The following R3HDM2 variants were observed in gnomAD, a reference collection of about 807,000 sequenced individuals.
The protein encoded by R3HDM2 is R3H domain containing 2, also known as R3H domain-containing protein 2.
R3HDM2 carries 38 observed loss-of-function variants against 124.5 expected under a neutral mutation model. That is an observed-to-expected ratio of 0.31 (90% CI 0.24 to 0.40). The LOEUF (loss-of-function observed/expected upper bound fraction) is 0.40. R3HDM2 is among the 10% of genes least tolerant of loss of function. R3HDM2 has a pLI of 1.00. For synonymous variants in R3HDM2, 391 were observed against 448.0 expected, an observed-to-expected ratio of 0.87 and a Z score of 1.61; for missense variants, 869 against 1,236.9, an observed-to-expected ratio of 0.70 and a Z score of 4.46.
intron 3 of R3HDM2, among the ~76,000 whole-genome samples, chr12:57,307,182 T>C (rs1461699003): frequency 6.6e-6 from 1 of 152,202 alleles, no homozygotes; most frequent in Non-Finnish European, 1.5e-5. Context: ...GTAATGAACG[T>C]CCCTTTTCCC....
intron 3 of R3HDM2, among the ~76,000 whole-genome samples, chr12:57,303,522 T>A (rs181350884): frequency 1.3e-5 from 2 of 149,652 alleles, no homozygotes; most frequent in African/African-American, 4.9e-5. Flanking sequence ...GGCAGGCGGA[T>A]CCCTTGAGCT....
rs778164617 is a variant in R3HDM2, at chr12:57,296,710, T to C, written c.561-159A>G. On this transcript the variant is annotated intron_variant, in intron 8 of 23. Transcript: ENST00000402412. This position sits in a 1 kb window ranked among gnomAD's most constrained non-coding sequence, Gnocchi z 4.5. ...ATTTACTAAATGGGAACCAAATAGG[T>C]TTTTCTCAGTTTCTTTATCTACAGT... 6.1e-5 allele frequency: 46 copies of C among 757,212 alleles called. No homozygotes were observed. Among genetic ancestry groups the C allele is most frequent in the Non-Finnish European group, 8.8e-5 (43 of 486,792 alleles). The allele number at this position is 757,212 out of a possible 1,614,324, so 46.9% of individuals were successfully genotyped here.
intron 2 of R3HDM2, among the ~76,000 whole-genome samples, chr12:57,390,922 G>A (rs1393825686): frequency 6.6e-6 from 1 of 151,158 alleles, no homozygotes; most frequent in East Asian, 1.9e-4. Context: ...TGAGACAGAA[G>A]AATCACTTGA....
In R3HDM2 at chr12:57,295,526, T is replaced by C. The variant is rs1253921618; in HGVS notation, c.702-19A>G. 6 of 1,530,922 alleles carry C rather than the reference T, an allele frequency of 3.9e-6. No homozygotes were observed. The highest frequency in any genetic ancestry group is 4.4e-6 in the Non-Finnish European group (5 of 1,128,660). The allele number at this position is 1,530,922 out of a possible 1,614,324, so 94.8% of individuals were successfully genotyped here. A position where few individuals can be genotyped will look rare whatever the true frequency, so the allele number is the denominator to read the frequency against. On this transcript the variant is annotated intron_variant, in intron 9 of 23. Transcript: ENST00000402412. ...TTCAGGGCTGAGATTTGGAGAGAAA[T>C]GTGAAAGGAAAGGAGGACAAAGACC...
intron 1 of R3HDM2, among the ~76,000 whole-genome samples, chr12:57,405,061 T>G (rs2068405814): frequency 6.6e-6 from 1 of 152,072 alleles, no homozygotes; most frequent in Non-Finnish European, 1.5e-5. Context: ...AGGGTCTCAC[T>G]CTGTCGCCCC....
At chr12:57,285,232 C>T (rs1483990643) in intron 12 of R3HDM2, among the ~76,000 whole-genome samples, 1 of 152,078 alleles carries the variant, frequency 6.6e-6, no homozygotes, top group East Asian at 1.9e-4. Context: ...TAGAGAAAGG[C>T]ATTTTTCTTA....
rs117081095 is a variant in R3HDM2, at chr12:57,284,589, G to A, written c.939-533C>T. Among the ~76,000 whole-genome samples the A allele has an allele frequency of 4.7e-3, 710 of 152,328 alleles. 3 individuals carry two copies. The highest frequency in any genetic ancestry group is 7.5e-3 in the Non-Finnish European group (513 of 68,024). On this transcript the variant is annotated intron_variant, in intron 12 of 23. Transcript: ENST00000402412. Reference sequence around the variant, plus strand: ...CACCCTTCCAGGAGTTGCAAGAAGAGTATAGTGAACTAAAGGGGCACTAAC... The same window carrying A: ...CACCCTTCCAGGAGTTGCAAGAAGAATATAGTGAACTAAAGGGGCACTAAC...
intron 2 of R3HDM2, among the ~76,000 whole-genome samples, chr12:57,333,168 G>C (rs1323566476): frequency 6.6e-6 from 1 of 152,118 alleles, no homozygotes; most frequent in Non-Finnish European, 1.5e-5. Context: ...ACTGAGCTCA[G>C]TGAAATATCC....
At chr12:57,290,324 C>G (rs1213731689) in intron 11 of R3HDM2, among the ~76,000 whole-genome samples, 1 of 152,184 alleles carries the variant, frequency 6.6e-6, no homozygotes, top group Non-Finnish European at 1.5e-5. Flanking sequence ...ACTTCTTAAT[C>G]TAAAGAGCCC....
intron 1 of R3HDM2, among the ~76,000 whole-genome samples, chr12:57,421,048 C>T (rs2070138614): frequency 1.3e-5 from 2 of 151,938 alleles, no homozygotes; most frequent in Non-Finnish European, 2.9e-5. Flanking sequence ...GCATGGAACC[C>T]AGAAAACTAG....
intron 18 of R3HDM2, 165 bp downstream of exon 18, chr12:57,268,138 C>A: frequency 1.6e-6 from 1 of 632,890 alleles, no homozygotes; most frequent in Non-Finnish European, 2.4e-6. Flanking sequence ...CATGTCAAAT[C>A]AATAAGTGAA....
At chr12:57,383,428 C>T (rs1353750317) in intron 2 of R3HDM2, among the ~76,000 whole-genome samples, 1 of 151,948 alleles carries the variant, frequency 6.6e-6, no homozygotes, top group African/African-American at 2.4e-5. Context: ...ATCGGCAGGG[C>T]GCTGTGGCTA....
intron 8 of R3HDM2, 200 bp downstream of exon 8, chr12:57,297,128 A>C (rs1592905672): frequency 4.0e-6 from 2 of 497,708 alleles, no homozygotes; most frequent in East Asian, 7.1e-5. Flanking sequence ...AAGACATTTA[A>C]GAACAGTAAA....
At chr12:57,392,405 C>A (rs1049545626) in intron 2 of R3HDM2, among the ~76,000 whole-genome samples, 5 of 152,158 alleles carry the variant, frequency 3.3e-5, no homozygotes, top group African/African-American at 1.2e-4. Context: ...CACTCACATG[C>A]ACAGTTCACA....
chr12:57,303,254 G>T, intron 3 of R3HDM2, 37 bp from the exon 4 acceptor site: 1 of 1,464,652 alleles, frequency 6.8e-7, no homozygotes. Context: ...AAAGGTGGAA[G>T]AAAATCGACA....
intron 14 of R3HDM2, among the ~76,000 whole-genome samples, chr12:57,271,907 T>C (rs2043673450): frequency 6.6e-6 from 1 of 151,902 alleles, no homozygotes; most frequent in South Asian, 2.1e-4. Context: ...TTTTTTTTTT[T>C]TTGAGACGGA....
At chr12:57,287,828 C>G (rs2047683754) in intron 12 of R3HDM2, among the ~76,000 whole-genome samples, 1 of 151,962 alleles carries the variant, frequency 6.6e-6, no homozygotes, top group Non-Finnish European at 1.5e-5. Flanking sequence ...CTTGTATTAT[C>G]CTCTGGGGTA....
chr12:57,337,038 T>C (rs760521831), intron 2 of R3HDM2, among the ~76,000 whole-genome samples: 1 of 152,196 alleles, frequency 6.6e-6, no homozygotes, highest in East Asian at 1.9e-4. Context: ...CACAGCAGAC[T>C]AACGTGAGAA....
intron 1 of R3HDM2, among the ~76,000 whole-genome samples, chr12:57,400,018 G>A (rs1566489079): frequency 2.0e-5 from 3 of 152,138 alleles, no homozygotes; most frequent in South Asian, 2.1e-4. Flanking sequence ...GTCTACTCCA[G>A]TGTGGCGATT....
Sources: allele counts gnomAD v4.1 joint callset (sites outside exome capture counted in the v4.1 genomes callset), GRCh38; gene constraint gnomAD v4.1.1; non-coding constraint Gnocchi (gnomAD v3.1); transcripts MANE v1.5; gene names NCBI Gene and HGNC (gene_info 2026-07-23, HGNC 2026-07-21).